Variants in SHB observed in about 807,000 individuals in gnomAD.
The protein encoded by SHB is SH2 domain-containing adapter protein B.
SHB carries 20 observed loss-of-function variants against 52.3 expected under a neutral mutation model. The ratio of observed to expected loss-of-function variants is 0.38; its 90% CI spans 0.27 to 0.56. The LOEUF (loss-of-function observed/expected upper bound fraction) is 0.56. Ranked by LOEUF, SHB falls within the 20% of genes least tolerant of loss-of-function variation. SHB has a pLI of 0.71. For missense variants in SHB, 825 were observed against 723.3 expected (o/e 1.14, Z -1.61); for synonymous variants, 397 against 316.5 (o/e 1.25, Z -2.70).
intron 1 of SHB, among the ~76,000 whole-genome samples, chr9:38,049,480 G>T (rs1821707323): frequency 6.6e-6 from 1 of 151,930 alleles, no homozygotes; most frequent in African/African-American, 2.4e-5. Flanking sequence ...GTGCGGTGAG[G>T]CGCGCCTGTA....
At chr9:38,061,497 T>G (rs1283914887) in intron 1 of SHB, among the ~76,000 whole-genome samples, 1 of 152,144 alleles carries the variant, frequency 6.6e-6, no homozygotes, top group African/African-American at 2.4e-5. Flanking sequence ...CCACCACTTC[T>G]GGGCTCTCCC....
intron 4 of SHB, among the ~76,000 whole-genome samples, chr9:37,950,157 C>T (rs1014462528): frequency 6.6e-6 from 1 of 152,124 alleles, no homozygotes; most frequent in Non-Finnish European, 1.5e-5. Flanking sequence ...AGGCTAATCT[C>T]GAATTCCTGA....
At chr9:37,932,219 G>T (rs1323579192) in intron 5 of SHB, among the ~76,000 whole-genome samples, 1 of 134,796 alleles carries the variant, frequency 7.4e-6, no homozygotes, top group African/African-American at 2.8e-5. Context: ...GAGGCAGTGA[G>T]CCAAGATCGC....
At chr9:37,924,195 C>T (rs958680213) in intron 5 of SHB, among the ~76,000 whole-genome samples, 2 of 152,180 alleles carry the variant, frequency 1.3e-5, no homozygotes, top group East Asian at 1.9e-4. Flanking sequence ...GCGTTCAGAT[C>T]GCTCATTATC....
chr9:37,930,567 G>A (rs879798976), intron 5 of SHB, among the ~76,000 whole-genome samples: 1 of 152,190 alleles, frequency 6.6e-6, no homozygotes, highest in Non-Finnish European at 1.5e-5. Flanking sequence ...GCCCACCCTG[G>A]TGGGGGCCTC....
chr9:38,032,728 C>T (rs1306349627), intron 1 of SHB, among the ~76,000 whole-genome samples: 1 of 152,204 alleles, frequency 6.6e-6, no homozygotes, highest in Admixed American at 6.5e-5. Flanking sequence ...ATCCTACTTC[C>T]CCACATACCA....
At chr9:37,961,822 C>T (rs1442484588) in intron 3 of SHB, among the ~76,000 whole-genome samples, 1 of 152,222 alleles carries the variant, frequency 6.6e-6, no homozygotes, top group East Asian at 1.9e-4. Flanking sequence ...ACTGTCCTGG[C>T]ACTGGCCTCT....
chr9:38,031,166 CA>C (rs1373824779), intron 1 of SHB, among the ~76,000 whole-genome samples: 1 of 151,966 alleles, frequency 6.6e-6, no homozygotes, highest in African/African-American at 2.4e-5. Context: ...ACTAAAAATA[CA>C]AAAATTAGCT....
At chr9:38,051,960 G>A (rs1175966501) in intron 1 of SHB, among the ~76,000 whole-genome samples, 1 of 152,170 alleles carries the variant, frequency 6.6e-6, no homozygotes, top group Non-Finnish European at 1.5e-5. Context: ...CTGCAAGGAC[G>A]TCCTCTGAAG....
At chr9:38,044,665 A>G (rs1821626481) in intron 1 of SHB, among the ~76,000 whole-genome samples, 1 of 152,230 alleles carries the variant, frequency 6.6e-6, no homozygotes, top group Non-Finnish European at 1.5e-5. Flanking sequence ...CCTAAAATGT[A>G]GAGTCTTGGC....
chr9:37,998,120 G>A (rs1345726140), intron 2 of SHB, among the ~76,000 whole-genome samples: 1 of 151,400 alleles, frequency 6.6e-6, no homozygotes, highest in African/African-American at 2.4e-5. Context: ...TTGTAAAGGG[G>A]AGCGCGACGG....
At chr9:37,985,754 G>A (rs1449505872) in intron 2 of SHB, among the ~76,000 whole-genome samples, 1 of 152,248 alleles carries the variant, frequency 6.6e-6, no homozygotes, top group African/African-American at 2.4e-5. Flanking sequence ...CAGATGCTGA[G>A]CACTAGATGC....
intron 1 of SHB, among the ~76,000 whole-genome samples, chr9:38,030,297 G>A (rs1821397662): frequency 6.6e-6 from 1 of 152,184 alleles, no homozygotes; most frequent in Non-Finnish European, 1.5e-5. Flanking sequence ...AGCCCCCAGA[G>A]CGCACACTCT....
At chr9:38,063,606 T>C (rs1821921139) in intron 1 of SHB, among the ~76,000 whole-genome samples, 1 of 152,232 alleles carries the variant, frequency 6.6e-6, no homozygotes, top group African/African-American at 2.4e-5. Flanking sequence ...CCCAACCCTG[T>C]GCACACACTT....
chr9:37,937,083 C>T (rs140837640), intron 5 of SHB, among the ~76,000 whole-genome samples: 301 of 152,340 alleles, frequency 2.0e-3, no homozygotes, highest in African/African-American at 6.9e-3. Flanking sequence ...CTTTCTCCCT[C>T]GCTTTGTCTT....
At chr9:38,067,152 C>T (rs1405930617) in intron 1 of SHB, among the ~76,000 whole-genome samples, 2 of 152,078 alleles carry the variant, frequency 1.3e-5, no homozygotes, top group Non-Finnish European at 2.9e-5. Context: ...TCACAAAGTC[C>T]CCCCGTGTTC....
chr9:37,982,690 T>A (rs1171956293), intron 2 of SHB, among the ~76,000 whole-genome samples: 1 of 151,830 alleles, frequency 6.6e-6, no homozygotes, highest in East Asian at 1.9e-4. Flanking sequence ...TCCTAGCTAC[T>A]CGGGAGGCTG....
chr9:38,049,324 C>G (rs1418516047), intron 1 of SHB, among the ~76,000 whole-genome samples: 2 of 152,154 alleles, frequency 1.3e-5, no homozygotes, highest in Non-Finnish European at 2.9e-5. Context: ...TGAAAACAGG[C>G]TCAGATGGGT....
chr9:38,063,853 A>G (rs1564114105), intron 1 of SHB, among the ~76,000 whole-genome samples: 1 of 151,772 alleles, frequency 6.6e-6, no homozygotes, highest in Middle Eastern at 3.2e-3. Flanking sequence ...TAACTATGGA[A>G]AAAGTGTTAT....
Sources: gnomAD v4.1 joint callset for allele counts (sites outside exome capture counted in the v4.1 genomes callset) on GRCh38, gnomAD v4.1.1 for gene constraint, MANE v1.5 for transcripts, NCBI Gene and HGNC (gene_info 2026-07-23, HGNC 2026-07-21) for gene names.